Variants in TAFA1 observed in about 807,000 individuals in gnomAD.
TAFA1 encodes TAFA chemokine like family member 1.
In TAFA1, 4 loss-of-function variants were observed where a neutral mutation model predicts 18.5. The observed-to-expected ratio is 0.22, with a 90% CI of 0.11 to 0.49. TAFA1 has a LOEUF of 0.49. TAFA1 is among the 20% of genes least tolerant of loss of function. The pLI is 0.98. For synonymous variants in TAFA1, 56 were observed against 55.2 expected (o/e 1.01, Z -0.06); for missense variants, 147 against 169.0 (o/e 0.87, Z 0.72).
chr3:68,297,174 C>T (rs1273596799), intron 2 of TAFA1, among the ~76,000 whole-genome samples: 2 of 152,128 alleles, frequency 1.3e-5, no homozygotes, highest in East Asian at 3.8e-4. Context: ...GGGTATCAGA[C>T]CTTGCAAAAC....
chr3:68,366,300 C>G (rs1161745015), intron 2 of TAFA1, among the ~76,000 whole-genome samples: 1 of 152,082 alleles, frequency 6.6e-6, no homozygotes, highest in Non-Finnish European at 1.5e-5. Context: ...CAGTTTCCCT[C>G]TTGTCTGTAG....
At chr3:68,096,233 A>T (rs1022904558) in intron 2 of TAFA1, among the ~76,000 whole-genome samples, 1 of 152,146 alleles carries the variant, frequency 6.6e-6, no homozygotes, top group African/African-American at 2.4e-5. Context: ...CTCCAGTTCC[A>T]TTCCCATTGC....
intron 2 of TAFA1, among the ~76,000 whole-genome samples, chr3:68,298,143 C>CT (rs1196377980): frequency 6.6e-6 from 1 of 152,194 alleles, no homozygotes; most frequent in Non-Finnish European, 1.5e-5. Flanking sequence ...CCCAGTGAGC[C>CT]TGTGCCCTCA....
intron 2 of TAFA1, among the ~76,000 whole-genome samples, chr3:68,091,816 A>G (rs911797143): frequency 4.6e-4 from 70 of 152,166 alleles, no homozygotes; most frequent in Admixed American, 3.3e-3. Flanking sequence ...GATCGAGACA[A>G]GAACTCTAAT....
chr3:68,209,956 A>T (rs1275836216), intron 2 of TAFA1, among the ~76,000 whole-genome samples: 1 of 151,700 alleles, frequency 6.6e-6, no homozygotes, highest in Admixed American at 6.6e-5. Flanking sequence ...ATCACTTTTA[A>T]TTTTTTTTCC....
chr3:68,049,385 A>C (rs943796862), intron 2 of TAFA1, among the ~76,000 whole-genome samples: 1 of 152,104 alleles, frequency 6.6e-6, no homozygotes, highest in African/African-American at 2.4e-5. Flanking sequence ...TGTGGGCTGC[A>C]GATGAAGAAT....
At position 68,095,723 on chromosome 3, in the gene TAFA1, G is replaced by A. The variant is rs145025014; in HGVS notation, c.118+88979G>A. ...ACTACTAATTCGTAACATTTATTGA[G>A]CACTTACTTACTGTGTCATCTCAGA... On this transcript the variant is annotated intron_variant, in intron 2 of 4. Coordinates refer to ENST00000478136, the MANE Select transcript of TAFA1 (RefSeq NM_213609.4). 3.9e-5 allele frequency among the ~76,000 whole-genome samples: 6 copies of A among 152,224 alleles called. No individual in the cohort carries two copies. The East Asian group carries it at 5.8e-4, about 15-fold the overall frequency.
intron 2 of TAFA1, among the ~76,000 whole-genome samples, chr3:68,400,857 C>T (rs898558091): frequency 1.3e-5 from 2 of 152,110 alleles, no homozygotes; most frequent in Admixed American, 6.6e-5. Context: ...ATGGCCTCAG[C>T]GGACTTTCAT....
chr3:68,183,160 C>CA (rs1166085731), intron 2 of TAFA1, among the ~76,000 whole-genome samples: 2 of 152,120 alleles, frequency 1.3e-5, no homozygotes, highest in Non-Finnish European at 2.9e-5. Context: ...TTTAATTCTT[C>CA]AAAAGATCCA....
chr3:68,055,957 C>A (rs531564589), intron 2 of TAFA1, among the ~76,000 whole-genome samples: 1 of 152,254 alleles, frequency 6.6e-6, no homozygotes, highest in Non-Finnish European at 1.5e-5. Flanking sequence ...GCTTTCCATA[C>A]TGAACCCTGG....
chr3:68,498,617 A>G (rs1013111833), intron 3 of TAFA1, among the ~76,000 whole-genome samples: 8 of 151,954 alleles, frequency 5.3e-5, no homozygotes, highest in African/African-American at 1.7e-4. Context: ...AATGCAAGAC[A>G]GCTTGAGGGC....
chr3:68,225,183 C>T (rs1448221864), intron 2 of TAFA1, among the ~76,000 whole-genome samples: 1 of 152,006 alleles, frequency 6.6e-6, no homozygotes, highest in Admixed American at 6.5e-5. Context: ...GCTTGGATTA[C>T]AGGCATGAGC....
At chr3:68,454,887 G>A (rs1430457107) in intron 3 of TAFA1, among the ~76,000 whole-genome samples, 1 of 151,838 alleles carries the variant, frequency 6.6e-6, no homozygotes, top group African/African-American at 2.4e-5. Flanking sequence ...AATGTATACA[G>A]TTGACTCCTG....
chr3:68,029,142 AT>A (rs540530716), intron 2 of TAFA1, among the ~76,000 whole-genome samples: 331 of 151,876 alleles, frequency 2.2e-3, no homozygotes, highest in African/African-American at 7.6e-3. Context: ...TCTCTATCAC[AT>A]TTTTTTTAAC....
chr3:68,092,463 G>A (rs1159199520), intron 2 of TAFA1, among the ~76,000 whole-genome samples: 2 of 152,154 alleles, frequency 1.3e-5, no homozygotes, highest in Non-Finnish European at 1.5e-5. Context: ...GGTGAAGGAC[G>A]ACTTCTTGGG....
At chr3:68,073,585 C>T (rs756701289) in intron 2 of TAFA1, among the ~76,000 whole-genome samples, 26 of 152,196 alleles carry the variant, frequency 1.7e-4, no homozygotes, top group Admixed American at 3.3e-4. Context: ...CTCAAACTGT[C>T]TAATAAGGTT....
chr3:68,467,526 T>C (rs555222519), intron 3 of TAFA1, among the ~76,000 whole-genome samples: 1 of 152,278 alleles, frequency 6.6e-6, no homozygotes, highest in African/African-American at 2.4e-5. Context: ...GCCATGATGA[T>C]AGATGTGAAG....
intron 2 of TAFA1, among the ~76,000 whole-genome samples, chr3:68,355,885 G>A (rs1447986728): frequency 2.6e-5 from 4 of 151,892 alleles, no homozygotes; most frequent in Non-Finnish European, 4.4e-5. Flanking sequence ...CAAGTTGTAC[G>A]GCAAACTGGT....
intron 2 of TAFA1, among the ~76,000 whole-genome samples, chr3:68,152,808 T>G (rs1386699657): frequency 6.6e-6 from 1 of 152,082 alleles, no homozygotes; most frequent in Non-Finnish European, 1.5e-5. Context: ...GAGTTCATCT[T>G]TCAGTGTAAT....
Sources: allele counts gnomAD v4.1 joint callset (sites outside exome capture counted in the v4.1 genomes callset), GRCh38; gene constraint gnomAD v4.1.1; transcripts MANE v1.5; gene names NCBI Gene and HGNC (gene_info 2026-07-23, HGNC 2026-07-21).